The following WWOX variants were observed in gnomAD, a reference collection of about 807,000 sequenced individuals.
WWOX encodes the protein WW domain containing oxidoreductase.
In WWOX, 69 loss-of-function variants were observed where a neutral mutation model predicts 46.2. That is an observed-to-expected ratio of 1.49 (90% CI 1.23 to 1.82). The LOEUF (loss-of-function observed/expected upper bound fraction) is 1.82. Among genes scored for constraint, WWOX ranks in the 40% most tolerant of loss-of-function variants. WWOX has a pLI of 0.00. For missense variants in WWOX, 919 were observed against 542.6 expected (o/e 1.69, Z -6.89); for synonymous variants, 359 against 202.6 (o/e 1.77, Z -6.56).
intron 8 of WWOX, among the ~76,000 whole-genome samples, chr16:78,473,825 C>T (rs1023756200): frequency 1.3e-5 from 2 of 152,132 alleles, no homozygotes; most frequent in Admixed American, 1.3e-4. Flanking sequence ...CTAAGATGAT[C>T]CAGCTGTTGC....
intron 8 of WWOX, among the ~76,000 whole-genome samples, chr16:78,787,063 G>T (rs1416746794): frequency 6.6e-6 from 1 of 152,114 alleles, no homozygotes. Flanking sequence ...CAGGAGAATC[G>T]CTTGAACCTG....
intron 8 of WWOX, among the ~76,000 whole-genome samples, chr16:79,190,188 C>G (rs2051105981): frequency 6.6e-6 from 1 of 152,050 alleles, no homozygotes; most frequent in Non-Finnish European, 1.5e-5. Context: ...CCACGCCTGG[C>G]TAACTTTTGT....
chr16:78,658,373 G>A (rs1304973601), intron 8 of WWOX, among the ~76,000 whole-genome samples: 1 of 152,204 alleles, frequency 6.6e-6, no homozygotes, highest in Non-Finnish European at 1.5e-5. Flanking sequence ...CACTTGCCAT[G>A]TAGTCACTAA....
chr16:79,041,386 T>C (rs898426761), intron 8 of WWOX, among the ~76,000 whole-genome samples: 2 of 152,112 alleles, frequency 1.3e-5, no homozygotes, highest in Non-Finnish European at 2.9e-5. Context: ...TTCCCTGATA[T>C]AAGGATTCCA....
intron 8 of WWOX, among the ~76,000 whole-genome samples, chr16:78,756,371 C>G (rs768251415): frequency 1.3e-5 from 2 of 151,956 alleles, no homozygotes; most frequent in African/African-American, 2.4e-5. Flanking sequence ...AGGGTGAAGG[C>G]GGTTGAGATA....
At chr16:78,720,097 T>G (rs752919736) in intron 8 of WWOX, among the ~76,000 whole-genome samples, 1 of 152,192 alleles carries the variant, frequency 6.6e-6, no homozygotes, top group Non-Finnish European at 1.5e-5. Context: ...TTCTGCAAGT[T>G]GAAATGCCTC....
chr16:78,570,577 G>T (rs117608905), intron 8 of WWOX, among the ~76,000 whole-genome samples: 2,713 of 152,160 alleles, frequency 0.018, 41 homozygotes, highest in Admixed American at 0.042. Context: ...GCCTCTCAAA[G>T]TACAGGGATT....
At chr16:78,978,981 A>C (rs1029050210) in intron 8 of WWOX, among the ~76,000 whole-genome samples, 6 of 152,194 alleles carry the variant, frequency 3.9e-5, no homozygotes, top group Admixed American at 3.3e-4. Context: ...ACCTTGAAGC[A>C]GGTGCAATCA....
chr16:78,814,996 C>T (rs182483312), intron 8 of WWOX, among the ~76,000 whole-genome samples: 5 of 152,304 alleles, frequency 3.3e-5, no homozygotes, highest in Admixed American at 6.5e-5. Flanking sequence ...GGCTTGCTCC[C>T]TGCAGGGTGT....
chr16:78,456,254 C>T (rs745314918), intron 8 of WWOX, among the ~76,000 whole-genome samples: 5 of 152,026 alleles, frequency 3.3e-5, no homozygotes, highest in Non-Finnish European at 1.5e-5. Context: ...AACATAGACA[C>T]CAAAAGAGAG....
Position 78,394,757 on chromosome 16 carries a change from C to G in WWOX, c.605+7809C>G, listed in dbSNP as rs74028165. 4.7e-3 allele frequency among the ~76,000 whole-genome samples: 711 copies of G among 152,238 alleles called. 7 individuals carry two copies. The highest frequency in any genetic ancestry group is 0.016 in the African/African-American group (676 of 41,530). On this transcript the variant is annotated intron_variant, in intron 6 of 8. Transcript: ENST00000566780. Reference sequence around the variant, plus strand: ...GAAATGGATGATCATGGCAGTGTTGCAATAAAACTTTACAAAACAGACAAT... The same window carrying G: ...GAAATGGATGATCATGGCAGTGTTGGAATAAAACTTTACAAAACAGACAAT...
chr16:78,819,314 C>T (rs1294685301), intron 8 of WWOX, among the ~76,000 whole-genome samples: 1 of 152,120 alleles, frequency 6.6e-6, no homozygotes, highest in Non-Finnish European at 1.5e-5. Context: ...CACACCGGAC[C>T]AAATTGAGGA....
intron 8 of WWOX, among the ~76,000 whole-genome samples, chr16:78,641,015 C>G (rs1212464293): frequency 6.6e-6 from 1 of 151,442 alleles, no homozygotes; most frequent in Non-Finnish European, 1.5e-5. Flanking sequence ...AGGAAAGGAA[C>G]CAGCTGCAAA....
At chr16:78,945,430 G>A (rs1474234138) in intron 8 of WWOX, among the ~76,000 whole-genome samples, 1 of 152,182 alleles carries the variant, frequency 6.6e-6, no homozygotes, top group Admixed American at 6.5e-5. Context: ...GTATCAAAAA[G>A]ATCAAAATCA....
intron 8 of WWOX, among the ~76,000 whole-genome samples, chr16:79,001,443 G>A (rs188560798): frequency 2.6e-5 from 4 of 152,150 alleles, no homozygotes; most frequent in Non-Finnish European, 5.9e-5. Context: ...CCAGATATTG[G>A]TGCCAAGCTA....
intron 8 of WWOX, among the ~76,000 whole-genome samples, chr16:78,596,716 G>C (rs923449258): frequency 6.6e-6 from 1 of 152,186 alleles, no homozygotes; most frequent in Non-Finnish European, 1.5e-5. Context: ...GGGCCTAGTA[G>C]AAAGTAAGCG....
chr16:78,305,952 T>C (rs1704025974), intron 5 of WWOX, among the ~76,000 whole-genome samples: 1 of 152,184 alleles, frequency 6.6e-6, no homozygotes, highest in African/African-American at 2.4e-5. Flanking sequence ...CAAGAATTAC[T>C]TTCCTTTGAT....
chr16:78,101,204 C>T (rs933019421), intron 1 of WWOX, among the ~76,000 whole-genome samples: 8 of 149,186 alleles, frequency 5.4e-5, no homozygotes, highest in African/African-American at 5.0e-5. Context: ...CCCGCCACCA[C>T]GCCCGGCTAA....
At chr16:78,227,830 C>G (rs559623444) in intron 5 of WWOX, among the ~76,000 whole-genome samples, 1 of 152,026 alleles carries the variant, frequency 6.6e-6, no homozygotes, top group Non-Finnish European at 1.5e-5. Context: ...TGAGTCGAGT[C>G]GTGTCAGTGC....
Sources: allele counts gnomAD v4.1 joint callset (sites outside exome capture counted in the v4.1 genomes callset), GRCh38; gene constraint gnomAD v4.1.1; transcripts MANE v1.5; gene names NCBI Gene and HGNC (gene_info 2026-07-23, HGNC 2026-07-21).